The following DNAJC15 variants were observed in gnomAD, a reference collection of about 807,000 sequenced individuals.
DNAJC15 encodes dnaJ homolog subfamily C member 15.
A neutral mutation model predicts 22.4 loss-of-function variants in DNAJC15; 27 were observed. That is an observed-to-expected ratio of 1.20 (90% CI 0.89 to 1.66). DNAJC15 has a LOEUF of 1.66. Ranked by LOEUF, DNAJC15 falls within the 40% of genes most tolerant of loss-of-function variation. DNAJC15 has a pLI of 0.00. For missense variants in DNAJC15, 208 were observed against 187.1 expected, an observed-to-expected ratio of 1.11 and a Z score of -0.65; for synonymous variants, 79 against 63.2, an observed-to-expected ratio of 1.25 and a Z score of -1.19.
Position 43,029,752 on chromosome 13 carries a change from A to G in DNAJC15, c.108+6018A>G, listed in dbSNP as rs561741655. 3.3e-5 allele frequency among the ~76,000 whole-genome samples: 5 copies of G among 152,168 alleles called. No individual in the cohort carries two copies. In the East Asian group the frequency reaches 9.6e-4, roughly 29 times the overall value. On this transcript the variant is annotated intron_variant, in intron 1 of 5. Coordinates refer to ENST00000379221, the MANE Select transcript of DNAJC15 (RefSeq NM_013238.3). The stretch of plus-strand genomic sequence containing the variant: ...TTGTTGATCTGCTGGCATTATTTAA[A>G]TAATGTTTCTTCTCTTTGAAATATG...
chr13:43,067,774 A>T (rs1327995170), intron 2 of DNAJC15, among the ~76,000 whole-genome samples: 1 of 152,128 alleles, frequency 6.6e-6, no homozygotes, highest in Non-Finnish European at 1.5e-5. Flanking sequence ...TTTTTAACTG[A>T]GATTAGAAGT....
intron 4 of DNAJC15, among the ~76,000 whole-genome samples, chr13:43,083,409 T>C (rs2040672971): frequency 6.6e-6 from 1 of 152,156 alleles, no homozygotes; most frequent in Admixed American, 6.5e-5. Flanking sequence ...CCTTGTGATC[T>C]GCCCGCCTCA....
chr13:43,094,928 C>T (rs1384349055), intron 5 of DNAJC15, among the ~76,000 whole-genome samples: 2 of 152,124 alleles, frequency 1.3e-5, no homozygotes, highest in African/African-American at 4.8e-5. Context: ...TCCTCCCCTT[C>T]CGGAATCTTT....
chr13:43,087,630 C>G (rs2040695611), intron 5 of DNAJC15, among the ~76,000 whole-genome samples: 1 of 152,170 alleles, frequency 6.6e-6, no homozygotes. Context: ...GTTGGAAATA[C>G]TTAAATCTCA....
chr13:43,103,127 A>T (rs60848052), intron 5 of DNAJC15, among the ~76,000 whole-genome samples: 6 of 152,104 alleles, frequency 3.9e-5, no homozygotes, highest in African/African-American at 1.4e-4. Flanking sequence ...GCTAATTTCT[A>T]TTGTGATATC....
At chr13:43,092,989 T>C (rs2040722666) in intron 5 of DNAJC15, among the ~76,000 whole-genome samples, 1 of 152,240 alleles carries the variant, frequency 6.6e-6, no homozygotes, top group African/African-American at 2.4e-5. Flanking sequence ...CAGTCTGAAA[T>C]AAAATATTAC....
intron 5 of DNAJC15, among the ~76,000 whole-genome samples, chr13:43,093,792 A>G (rs2040726519): frequency 6.6e-6 from 1 of 152,194 alleles, no homozygotes; most frequent in Non-Finnish European, 1.5e-5. Context: ...AGTATAGATA[A>G]CATAATCTTT....
rs985793527 is a variant in DNAJC15 at position 43,109,949 on chromosome 13, ATG to A, written c.*2703_*2704del. On this transcript the variant is annotated 3_prime_UTR_variant, in exon 6 of 6. Transcript: ENST00000379221. ...TTTAGTCACGTAAATGCTTAAAAAAATGTAATTTTTACTTCTTTCACTGCCTC... is the reference window on the plus strand; with the variant it reads ...TTTAGTCACGTAAATGCTTAAAAAAATAATTTTTACTTCTTTCACTGCCTC... 33 of 152,340 alleles carry A rather than the reference ATG, an allele frequency of 2.2e-4. No homozygotes were observed. Among genetic ancestry groups the A allele is most frequent in the African/African-American group, 7.5e-4 (31 of 41,574 alleles). The allele number at this position is 152,340 out of a possible 1,614,324, so 9.4% of individuals were successfully genotyped here. A position where few individuals can be genotyped will look rare whatever the true frequency, so the allele number is the denominator to read the frequency against.
At chr13:43,103,628 G>A (rs996978717) in intron 5 of DNAJC15, among the ~76,000 whole-genome samples, 1 of 152,208 alleles carries the variant, frequency 6.6e-6, no homozygotes, top group Admixed American at 6.5e-5. Context: ...CACTTGCAGG[G>A]TGGAATCTTG....
intron 5 of DNAJC15, among the ~76,000 whole-genome samples, chr13:43,086,997 G>A (rs1347406863): frequency 5.3e-5 from 8 of 152,106 alleles, no homozygotes; most frequent in Admixed American, 3.9e-4. Flanking sequence ...CAGCATTGTG[G>A]CCTTGAAAAC....
intron 2 of DNAJC15, 81 bp downstream of exon 2, chr13:43,065,818 TA>T: frequency 7.8e-7 from 1 of 1,290,010 alleles, no homozygotes; most frequent in Non-Finnish European, 1.1e-6. Context: ...AGTAGACCCT[TA>T]GTATTCTGAG....
intron 1 of DNAJC15, among the ~76,000 whole-genome samples, chr13:43,042,300 G>A (rs1285285354): frequency 1.3e-5 from 2 of 152,174 alleles, no homozygotes; most frequent in Non-Finnish European, 1.5e-5. Flanking sequence ...TAAAACTTAT[G>A]TGAGTATGGT....
intron 1 of DNAJC15, among the ~76,000 whole-genome samples, chr13:43,029,016 A>G (rs1011765490): frequency 6.6e-6 from 1 of 152,204 alleles, no homozygotes; most frequent in African/African-American, 2.4e-5. Context: ...CCATTTAATT[A>G]TTTGTCTATG....
intron 1 of DNAJC15, among the ~76,000 whole-genome samples, chr13:43,051,322 T>A (rs1038553969): frequency 2.6e-5 from 4 of 152,160 alleles, no homozygotes; most frequent in Non-Finnish European, 5.9e-5. Context: ...CAGGTGGTGT[T>A]TGGTTACATG....
At chr13:43,057,750 G>A (rs1282897688) in intron 1 of DNAJC15, among the ~76,000 whole-genome samples, 1 of 152,124 alleles carries the variant, frequency 6.6e-6, no homozygotes, top group Non-Finnish European at 1.5e-5. Context: ...AAGATCTGGG[G>A]CTCAAAGGCT....
intron 5 of DNAJC15, among the ~76,000 whole-genome samples, chr13:43,100,662 A>G (rs2040764032): frequency 6.6e-6 from 1 of 152,102 alleles, no homozygotes; most frequent in Non-Finnish European, 1.5e-5. Flanking sequence ...TTTTCAACTT[A>G]TTAAGGTTTG....
chr13:43,114,036 T>G lies in DNAJC15; in HGVS notation c.*6788T>G, dbSNP rs952049306. On this transcript the variant is annotated 3_prime_UTR_variant, in exon 6 of 6. Transcript: ENST00000379221. Reference sequence around the variant, plus strand: ...TCTTGTTTGGGCTTTCGTTTCTTCTTGTAAGCAGAGATTTTTTAAAATCCA... The same window carrying G: ...TCTTGTTTGGGCTTTCGTTTCTTCTGGTAAGCAGAGATTTTTTAAAATCCA... 2.0e-5 allele frequency: 3 copies of G among 152,206 alleles called. No individual in the cohort carries two copies. The highest frequency in any genetic ancestry group is 4.4e-5 in the Non-Finnish European group (3 of 68,032). The allele number at this position is 152,206 out of a possible 1,614,324, so 9.4% of individuals were successfully genotyped here. A position where few individuals can be genotyped will look rare whatever the true frequency, so the allele number is the denominator to read the frequency against.
At chr13:43,034,097 ATG>A (rs1473694006) in intron 1 of DNAJC15, among the ~76,000 whole-genome samples, 1 of 151,574 alleles carries the variant, frequency 6.6e-6, no homozygotes, top group Non-Finnish European at 1.5e-5. Flanking sequence ...TACTATAAAC[ATG>A]TTTGTTGCAA....
chr13:43,101,831 T>C (rs1433409308), intron 5 of DNAJC15, among the ~76,000 whole-genome samples: 1 of 152,228 alleles, frequency 6.6e-6, no homozygotes, highest in Non-Finnish European at 1.5e-5. Flanking sequence ...ATCCTCATGT[T>C]GGTTGATGGG....
Sources: gnomAD v4.1 joint callset for allele counts (sites outside exome capture counted in the v4.1 genomes callset) on GRCh38, gnomAD v4.1.1 for gene constraint, MANE v1.5 for transcripts, NCBI Gene and HGNC (gene_info 2026-07-23, HGNC 2026-07-21) for gene names.